The following VPS13D variants were observed in gnomAD, a reference collection of about 807,000 sequenced individuals.
The protein encoded by VPS13D is intermembrane lipid transfer protein VPS13D.
In VPS13D, 187 loss-of-function variants were observed where a neutral mutation model predicts 461.9. That is an observed-to-expected ratio of 0.40 (90% CI 0.36 to 0.46). VPS13D has a LOEUF of 0.46. Ranked by LOEUF, VPS13D falls within the 20% of genes least tolerant of loss-of-function variation. The pLI is 0.60. For synonymous variants in VPS13D, 1,951 were observed against 1,986.3 expected (o/e 0.98, Z 0.47); for missense variants, 4,711 against 5,364.9 (o/e 0.88, Z 3.81).
chr1:12,371,847 T>G (rs1184543592), intron 54 of VPS13D, among the ~76,000 whole-genome samples: 1 of 152,208 alleles, frequency 6.6e-6, no homozygotes, highest in Admixed American at 6.5e-5. Flanking sequence ...CCTGTACATA[T>G]ATTTGTTTGA....
intron 65 of VPS13D, among the ~76,000 whole-genome samples, chr1:12,421,608 A>G (rs1229996975): frequency 6.6e-6 from 1 of 152,206 alleles, no homozygotes; most frequent in Admixed American, 6.5e-5. Context: ...CAAAATAAAT[A>G]AAGTACTTCT....
In VPS13D at chr1:12,509,165, A is replaced by T; in HGVS notation, c.*141A>T. 9.9e-7 allele frequency: 1 copy of T among 1,014,612 alleles called. No individual in the cohort carries two copies. The highest frequency in any genetic ancestry group is 1.4e-6 in the Non-Finnish European group (1 of 725,126). The allele number at this position is 1,014,612 out of a possible 1,614,324, so 62.9% of individuals were successfully genotyped here. A position where few individuals can be genotyped will look rare whatever the true frequency, so the allele number is the denominator to read the frequency against. On this transcript the variant is annotated 3_prime_UTR_variant, in exon 70 of 70. Coordinates refer to ENST00000620676, the MANE Select transcript of VPS13D (RefSeq NM_015378.4). ...AAGGAATGAGGGAAAGTAAATCCTC[A>T]TGAGGAAAAGTACAAATGGAAATCG... is the stretch of plus-strand genomic sequence containing the variant.
chr1:12,400,994 A>ACACACACT (rs1644571449), intron 61 of VPS13D, among the ~76,000 whole-genome samples: 2 of 152,064 alleles, frequency 1.3e-5, no homozygotes, highest in African/African-American at 4.8e-5. Context: ...ACACACACAC[A>ACACACACT]CACACACACA....
chr1:12,361,049 A>C (rs1056762368), intron 50 of VPS13D, among the ~76,000 whole-genome samples: 5 of 152,166 alleles, frequency 3.3e-5, no homozygotes, highest in Non-Finnish European at 7.3e-5. Context: ...TATGGCACAT[A>C]CTAGCTGCGT....
In VPS13D at chr1:12,378,177, C is replaced by T. The variant is rs543843593; in HGVS notation, c.10918-251C>T. On this transcript the variant is annotated intron_variant, in intron 55 of 69. Transcript: ENST00000620676. ...AAAAAACTCGGTTATGAAAATAATA[C>T]GTTTGTTAAAATGCACATTATTTGT... Among the ~76,000 whole-genome samples, 111 of 152,234 alleles carry T rather than the reference C, an allele frequency of 7.3e-4. 2 individuals are homozygous for T. The highest frequency in any genetic ancestry group is 6.9e-3 in the Admixed American group (106 of 15,292).
In VPS13D at chr1:12,327,820, T is replaced by A; in HGVS notation, c.8163T>A (p.Asp2721Glu). ...VCICFIDDCMDCDVPLAELTF... is the reference protein window; with the variant it reads ...VCICFIDDCMECDVPLAELTF... ...TCTGTTTCATCGATGACTGCATGGA[T>A]TGTGATGTTCCTCTCGCTGAACTCA... Residue 2721 changes from aspartate to glutamate, a missense_variant, in exon 36 of 70, where the codon GAT becomes GAA. Asp to Glu is a conservative substitution (Grantham distance 45). Transcript: ENST00000620676. 12 of 1,614,150 alleles carry A rather than the reference T, an allele frequency of 7.4e-6. No homozygotes were observed. The highest frequency in any genetic ancestry group is 1.0e-5 in the Non-Finnish European group (12 of 1,180,024).
At chr1:12,293,725 A>C (rs1331546885) in intron 24 of VPS13D, 21 bp downstream of exon 24, 2 of 1,606,214 alleles carry the variant, frequency 1.2e-6, no homozygotes, top group Admixed American at 1.7e-5. Flanking sequence ...TGGGCCCTCC[A>C]AGCTGCTTTT....
At chr1:12,312,454 G>T (rs752069775) in intron 29 of VPS13D, among the ~76,000 whole-genome samples, 2 of 152,148 alleles carry the variant, frequency 1.3e-5, no homozygotes, top group Admixed American at 6.5e-5. Context: ...ATGCCTTGCT[G>T]GCCAACATTT....
chr1:12,451,905 T>G (rs1645267053), intron 65 of VPS13D, among the ~76,000 whole-genome samples: 1 of 152,368 alleles, frequency 6.6e-6, no homozygotes, highest in African/African-American at 2.4e-5. Flanking sequence ...TGCTATGTGC[T>G]TTACATGTAT....
At chr1:12,501,681 T>G (rs768110558) in intron 68 of VPS13D, among the ~76,000 whole-genome samples, 8 of 152,246 alleles carry the variant, frequency 5.3e-5, no homozygotes, top group Non-Finnish European at 1.0e-4. Flanking sequence ...AAATTTCCTC[T>G]GTCCTCAGTG....
rs543983956 is a variant in VPS13D, at chr1:12,362,645, G to T, written c.10142-75G>T. The T allele has an allele frequency of 6.4e-6, 9 of 1,409,976 alleles. No homozygotes were observed. In the African/African-American group the frequency reaches 1.0e-4, roughly 16 times the overall value. The allele number at this position is 1,409,976 out of a possible 1,614,324, so 87.3% of individuals were successfully genotyped here. A position where few individuals can be genotyped will look rare whatever the true frequency, so the allele number is the denominator to read the frequency against. On this transcript the variant is annotated intron_variant, in intron 50 of 69. Coordinates refer to ENST00000620676, the MANE Select transcript of VPS13D (RefSeq NM_015378.4). ...TCAGAGAAACTAAGTAACTGTGAAG[G>T]TTATTTATTTTTGTCAGACCAAGAG...
intron 30 of VPS13D, among the ~76,000 whole-genome samples, chr1:12,316,954 G>A (rs1642902464): frequency 6.6e-6 from 1 of 152,082 alleles, no homozygotes; most frequent in African/African-American, 2.4e-5. Context: ...TCCTCGCTGG[G>A]TTTTCACGTC....
intron 65 of VPS13D, among the ~76,000 whole-genome samples, chr1:12,442,602 T>G (rs1041132595): frequency 6.6e-6 from 1 of 150,740 alleles, no homozygotes; most frequent in Non-Finnish European, 1.5e-5. Flanking sequence ...TTTTTTTTTT[T>G]CCTTTTCTCT....
chr1:12,343,815 G>A (rs1297962262), intron 42 of VPS13D, among the ~76,000 whole-genome samples: 1 of 152,216 alleles, frequency 6.6e-6, no homozygotes, highest in African/African-American at 2.4e-5. Context: ...TAACCCTCAA[G>A]TTTATTGCAT....
chr1:12,413,320 T>TAA (rs1183997013), intron 63 of VPS13D, among the ~76,000 whole-genome samples: 5 of 137,696 alleles, frequency 3.6e-5, no homozygotes, highest in African/African-American at 1.1e-4. Flanking sequence ...CTCTCCAAAA[T>TAA]AAAAAAAAAA....
At chr1:12,233,544 C>A (rs1640051964) in intron 1 of VPS13D, among the ~76,000 whole-genome samples, 1 of 152,172 alleles carries the variant, frequency 6.6e-6, no homozygotes, top group Non-Finnish European at 1.5e-5. Context: ...CATAGGAGAA[C>A]CTCTGATCAC....
intron 21 of VPS13D, among the ~76,000 whole-genome samples, chr1:12,284,929 G>A (rs145449514): frequency 3.3e-4 from 50 of 152,302 alleles, no homozygotes; most frequent in African/African-American, 1.1e-3. Flanking sequence ...CTGGAGAGGC[G>A]TTAGCCATTC....
In VPS13D at chr1:12,299,509, A is replaced by G; in HGVS notation, c.6216+125A>G. 1 of 1,109,484 alleles carries G rather than the reference A, an allele frequency of 9.0e-7. No individual in the cohort carries two copies. Among genetic ancestry groups the G allele is most frequent in the Non-Finnish European group, 1.2e-6 (1 of 818,580 alleles). The allele number at this position is 1,109,484 out of a possible 1,614,324, so 68.7% of individuals were successfully genotyped here. A position where few individuals can be genotyped will look rare whatever the true frequency, so the allele number is the denominator to read the frequency against. ...CTTTTGTAGGGTATGTGGCTTGAAG[A>G]ATTTTTTTTGGCATTTTATTGATAT... is the stretch of plus-strand genomic sequence containing the variant. On this transcript the variant is annotated intron_variant, in intron 25 of 69. Transcript: ENST00000620676. This position sits in a 1 kb window ranked among gnomAD's most constrained non-coding sequence, Gnocchi z 4.2.
intron 17 of VPS13D, among the ~76,000 whole-genome samples, chr1:12,271,957 G>A (rs995266000): frequency 6.6e-6 from 1 of 151,694 alleles, no homozygotes; most frequent in Non-Finnish European, 1.5e-5. Flanking sequence ...TGGGGGAAGC[G>A]GAGGTGGGAT....
Sources: allele counts gnomAD v4.1 joint callset (sites outside exome capture counted in the v4.1 genomes callset), GRCh38; gene constraint gnomAD v4.1.1; non-coding constraint Gnocchi (gnomAD v3.1); transcripts MANE v1.5; gene names NCBI Gene and HGNC (gene_info 2026-07-23, HGNC 2026-07-21).